The following SLC39A11 variants were observed in gnomAD, a reference collection of about 807,000 sequenced individuals.
SLC39A11 encodes the protein zinc transporter ZIP11.
Under a neutral mutation model 36.1 loss-of-function variants are expected in SLC39A11, and 33 were observed. That is an observed-to-expected ratio of 0.91 (90% CI 0.69 to 1.22). The LOEUF (loss-of-function observed/expected upper bound fraction) is 1.22, where lower values mean the gene tolerates loss of function less well. SLC39A11 is among the 50% of genes most tolerant of loss of function. The pLI is 0.00. For synonymous variants in SLC39A11, 166 were observed against 170.3 expected (o/e 0.97, Z 0.20); for missense variants, 432 against 430.3 (o/e 1.00, Z -0.03).
chr17:73,035,346 G>A (rs1280332265), intron 3 of SLC39A11, among the ~76,000 whole-genome samples: 1 of 152,018 alleles, frequency 6.6e-6, no homozygotes, highest in African/African-American at 2.4e-5. Flanking sequence ...TCACCATGTT[G>A]GCTAGGCTGG....
chr17:72,838,026 A>C, intron 6 of SLC39A11: 1 of 1,220,032 alleles, frequency 8.2e-7, no homozygotes, highest in Non-Finnish European at 1.0e-6. Context: ...GCTTACACCT[A>C]TAATCTCAGC....
chr17:72,955,832 G>A (rs936470115), intron 4 of SLC39A11, among the ~76,000 whole-genome samples: 1 of 152,142 alleles, frequency 6.6e-6, no homozygotes, highest in Non-Finnish European at 1.5e-5. Flanking sequence ...TGAGAAAAGA[G>A]AGGATTGGTG....
intron 7 of SLC39A11, among the ~76,000 whole-genome samples, chr17:72,687,804 G>C (rs761329222): frequency 6.6e-6 from 1 of 152,186 alleles, no homozygotes; most frequent in Non-Finnish European, 1.5e-5. Flanking sequence ...ATGCTCTATA[G>C]GTTCTATTGT....
chr17:72,966,400 T>TA (rs1359286824), intron 4 of SLC39A11, among the ~76,000 whole-genome samples: 8 of 152,250 alleles, frequency 5.3e-5, no homozygotes, highest in African/African-American at 1.9e-4. Flanking sequence ...GCTTAGCACA[T>TA]ATACTCAGGT....
rs569281087 is a variant in SLC39A11, at chr17:72,933,910, G to C, written c.430+13842C>G. ...CAAAAACCAATGAATCAGAATGAAG[G>C]GTCCAAAAACAGAACCAAACAAATA... is the stretch of plus-strand genomic sequence containing the variant. On this transcript the variant is annotated intron_variant, in intron 5 of 9. Transcript: ENST00000255559. Among the ~76,000 whole-genome samples the C allele has an allele frequency of 4.6e-5, 7 of 152,112 alleles. No homozygotes were observed. The East Asian group carries it at 1.4e-3, about 29-fold the overall frequency.
rs147297945 is a variant in SLC39A11, at chr17:72,916,229, T to C, written c.430+31523A>G. ...CAGGCACGTTACACATGCACACACA[T>C]ATATCTGTACACACAAACACACAAA... On this transcript the variant is annotated intron_variant, in intron 5 of 9. Transcript: ENST00000255559. Among the ~76,000 whole-genome samples the C allele has an allele frequency of 2.7e-5, 4 of 149,554 alleles. No homozygotes were observed. The East Asian group carries it at 7.7e-4, about 29-fold the overall frequency.
intron 6 of SLC39A11, among the ~76,000 whole-genome samples, chr17:72,799,782 G>C (rs148308562): frequency 0.031 from 4,708 of 151,908 alleles, 234 homozygotes; most frequent in African/African-American, 0.1. Flanking sequence ...GTGCACCGCT[G>C]AACACAGACC....
chr17:72,825,382 A>T (rs941121630), intron 6 of SLC39A11, among the ~76,000 whole-genome samples: 7 of 152,226 alleles, frequency 4.6e-5, no homozygotes, highest in Non-Finnish European at 8.8e-5. Flanking sequence ...ATTTCAGAGG[A>T]TGTATGGAAA....
At chr17:72,658,382 G>C (rs893788745) in intron 7 of SLC39A11, among the ~76,000 whole-genome samples, 5 of 152,294 alleles carry the variant, frequency 3.3e-5, no homozygotes, top group Admixed American at 6.5e-5. Flanking sequence ...AGGTAAGAAG[G>C]GCCTCCCTCC....
At chr17:73,028,540 C>T (rs1236166007) in intron 4 of SLC39A11, among the ~76,000 whole-genome samples, 1 of 152,208 alleles carries the variant, frequency 6.6e-6, no homozygotes. Context: ...ATGAGACCTT[C>T]TAAGACAAAT....
chr17:72,860,206 C>A (rs2079904174), intron 5 of SLC39A11, among the ~76,000 whole-genome samples: 1 of 151,948 alleles, frequency 6.6e-6, no homozygotes, highest in African/African-American at 2.4e-5. Context: ...CTTGGCAGAT[C>A]ATGTTTGCTT....
intron 6 of SLC39A11, among the ~76,000 whole-genome samples, chr17:72,747,839 A>G (rs1430808191): frequency 6.6e-6 from 1 of 152,250 alleles, no homozygotes; most frequent in Non-Finnish European, 1.5e-5. Context: ...ATTATTGCCA[A>G]GGAATCCCTG....
intron 3 of SLC39A11, among the ~76,000 whole-genome samples, chr17:73,044,878 G>GAAAAA (rs11298701): frequency 6.7e-5 from 8 of 118,958 alleles, no homozygotes; most frequent in East Asian, 2.3e-4. Context: ...CTCTGTCTCA[G>GAAAAA]AAAAAAAAAA....
chr17:72,970,578 A>C (rs1286813919), intron 4 of SLC39A11, among the ~76,000 whole-genome samples: 1 of 152,032 alleles, frequency 6.6e-6, no homozygotes, highest in African/African-American at 2.4e-5. Flanking sequence ...AAAAAAAACC[A>C]AGCTTTTGAC....
intron 6 of SLC39A11, among the ~76,000 whole-genome samples, chr17:72,817,527 GAGATTTGGCAGAGCCA>G: frequency 6.6e-6 from 1 of 152,252 alleles, no homozygotes; most frequent in East Asian, 1.9e-4. Context: ...AAACTTCAGT[GAGATTTGGCAGAGCCA>G]AAAAACCCAC....
chr17:72,932,220 C>A (rs1428522213), intron 5 of SLC39A11, among the ~76,000 whole-genome samples: 1 of 151,866 alleles, frequency 6.6e-6, no homozygotes, highest in African/African-American at 2.4e-5. Flanking sequence ...CACTAAGGAG[C>A]TGAGTCAGAA....
Position 73,032,141 on chromosome 17 carries a change from C to T in SLC39A11, c.148-427G>A, listed in dbSNP as rs139377109. Among the ~76,000 whole-genome samples the T allele has an allele frequency of 2.7e-3, 404 of 152,058 alleles. 8 individuals are homozygous for T. The highest frequency in any genetic ancestry group is 1.1e-3 in the Non-Finnish European group (77 of 68,000). The stretch of plus-strand genomic sequence containing the variant: ...GGTAAACAACCTACAATGCACAGCA[C>T]ACCCCTGACAACAAAGAATTATCTG... On this transcript the variant is annotated intron_variant, in intron 3 of 9. Coordinates refer to ENST00000255559, the MANE Select transcript of SLC39A11 (RefSeq NM_139177.4).
intron 4 of SLC39A11, among the ~76,000 whole-genome samples, chr17:72,952,594 C>G (rs1257302932): frequency 6.6e-6 from 1 of 152,210 alleles, no homozygotes; most frequent in African/African-American, 2.4e-5. Context: ...GCATGAGGAA[C>G]CAAGGCCCTC....
chr17:72,989,741 C>G (rs1471839132), intron 4 of SLC39A11, among the ~76,000 whole-genome samples: 2 of 152,172 alleles, frequency 1.3e-5, no homozygotes, highest in African/African-American at 2.4e-5. Context: ...AGGTGATAAA[C>G]TCTCATCTTG....
Sources: allele counts gnomAD v4.1 joint callset (sites outside exome capture counted in the v4.1 genomes callset), GRCh38; gene constraint gnomAD v4.1.1; transcripts MANE v1.5; gene names NCBI Gene and HGNC (gene_info 2026-07-23, HGNC 2026-07-21).